Variants in ADGRL4 observed in about 807,000 individuals in gnomAD.
ADGRL4 encodes adhesion G protein-coupled receptor L4.
In ADGRL4, 90 loss-of-function variants were observed where a neutral mutation model predicts 74.8. That is an observed-to-expected ratio of 1.20 (90% CI 1.02 to 1.43). The LOEUF is 1.43. Ranked by LOEUF, ADGRL4 falls within the 40% of genes most tolerant of loss-of-function variation. The pLI is 0.00. For missense variants in ADGRL4, 881 were observed against 814.3 expected, an observed-to-expected ratio of 1.08 and a Z score of -1.00; for synonymous variants, 311 against 279.2, an observed-to-expected ratio of 1.11 and a Z score of -1.14.
In ADGRL4 at chr1:78,938,082, A is replaced by G. The variant is rs777161772; in HGVS notation, c.576+18T>C. ...ATTCAAAGCTCAATTATATTGAGTT[A>G]AAGCTGAACATACTTACAGTAAGAG... is the stretch of plus-strand genomic sequence containing the variant. On this transcript the variant is annotated intron_variant, in intron 5 of 14. Transcript: ENST00000370742. 1 of 1,610,914 alleles carries G rather than the reference A, an allele frequency of 6.2e-7. No homozygotes were observed. The highest frequency in any genetic ancestry group is 1.1e-5 in the South Asian group (1 of 90,366).
intron 2 of ADGRL4, among the ~76,000 whole-genome samples, chr1:78,984,633 A>G (rs1160595962): frequency 6.6e-5 from 10 of 151,798 alleles, no homozygotes; most frequent in East Asian, 3.9e-4. Flanking sequence ...GAACAGTAAG[A>G]CATTTTCAAA....
chr1:78,960,428 G>A (rs554891750), intron 2 of ADGRL4, among the ~76,000 whole-genome samples: 9 of 152,014 alleles, frequency 5.9e-5, no homozygotes, highest in East Asian at 1.9e-4. Context: ...AATCTGATTC[G>A]TGGATCTTGA....
chr1:78,901,108 C>T (rs1003213943), intron 12 of ADGRL4, among the ~76,000 whole-genome samples: 1 of 152,090 alleles, frequency 6.6e-6, no homozygotes, highest in Non-Finnish European at 1.5e-5. Context: ...ATACCAGTAT[C>T]TTGGTTCCAA....
At chr1:78,950,373 G>A (rs904886227) in intron 2 of ADGRL4, among the ~76,000 whole-genome samples, 7 of 152,204 alleles carry the variant, frequency 4.6e-5, no homozygotes, top group African/African-American at 1.4e-4. Context: ...AGGTAGGCAT[G>A]GCTGAAACCG....
intron 12 of ADGRL4, among the ~76,000 whole-genome samples, chr1:78,898,009 A>G (rs1226958248): frequency 6.6e-6 from 1 of 152,184 alleles, no homozygotes; most frequent in Non-Finnish European, 1.5e-5. Flanking sequence ...TTATGTACCT[A>G]GAGGTGGAAA....
intron 2 of ADGRL4, among the ~76,000 whole-genome samples, chr1:78,961,008 T>C (rs529936650): frequency 6.6e-6 from 1 of 152,282 alleles, no homozygotes; most frequent in East Asian, 1.9e-4. Flanking sequence ...ATAAATAAAT[T>C]GAGTAAGTTT....
chr1:78,997,450 A>C (rs1300278566), intron 2 of ADGRL4, among the ~76,000 whole-genome samples: 1 of 152,196 alleles, frequency 6.6e-6, no homozygotes, highest in African/African-American at 2.4e-5. Flanking sequence ...TCTTCCTACG[A>C]AAGGAGAAGA....
chr1:78,896,557 G>A (rs368325512), intron 12 of ADGRL4, among the ~76,000 whole-genome samples: 114 of 152,144 alleles, frequency 7.5e-4, no homozygotes, highest in African/African-American at 2.6e-3. Flanking sequence ...AACATGTTCA[G>A]AATATGACCA....
Position 78,920,385 on chromosome 1 carries a change from C to T in ADGRL4, c.1259G>A (p.Gly420Asp). 1 of 1,539,730 alleles carries T rather than the reference C, an allele frequency of 6.5e-7. No individual in the cohort carries two copies. Among genetic ancestry groups the T allele is most frequent in the Non-Finnish European group, 8.9e-7 (1 of 1,121,314 alleles). ...TGTAAGAATATTATAATCTTTAATA[C>T]CCTAAGGGAAAATAATAATAAAGCA... is the stretch of plus-strand genomic sequence containing the variant. ...AILMSSGPSIGIKDYNILTRI... is the reference protein window; with the variant it reads ...AILMSSGPSIDIKDYNILTRI... Residue 420 changes from glycine (G) to aspartate (D), a missense_variant and splice_region_variant, in exon 10 of 15, where the codon GGT becomes GAT. Gly to Asp is a moderately conservative substitution (Grantham distance 94, BLOSUM62 -1). Coordinates refer to ENST00000370742, the MANE Select transcript of ADGRL4 (RefSeq NM_022159.4).
At chr1:78,941,556 TC>T (rs887358146) in intron 3 of ADGRL4, among the ~76,000 whole-genome samples, 7 of 150,272 alleles carry the variant, frequency 4.7e-5, no homozygotes, top group Non-Finnish European at 3.0e-5. Flanking sequence ...TCAATTTCAA[TC>T]CCCCCTTTTT....
At chr1:78,903,815 A>G (rs1164915509) in intron 12 of ADGRL4, among the ~76,000 whole-genome samples, 1 of 151,928 alleles carries the variant, frequency 6.6e-6, no homozygotes. Context: ...ACGTGCCTGT[A>G]GTCCCAGCTA....
intron 3 of ADGRL4, among the ~76,000 whole-genome samples, chr1:78,940,618 T>C (rs1178881061): frequency 6.6e-6 from 1 of 152,120 alleles, no homozygotes; most frequent in African/African-American, 2.4e-5. Context: ...AATTTTTATG[T>C]TTCTACCCCA....
intron 2 of ADGRL4, among the ~76,000 whole-genome samples, chr1:78,969,636 A>G (rs1242581746): frequency 2.0e-5 from 3 of 152,092 alleles, no homozygotes. Flanking sequence ...CACTTCATTC[A>G]AATAATCAGG....
At chr1:78,917,554 A>G in intron 12 of ADGRL4, 80 bp downstream of exon 12, 4 of 813,380 alleles carry the variant, frequency 4.9e-6, no homozygotes, top group Non-Finnish European at 7.6e-6. Context: ...TTTTTAGAAT[A>G]ACACCTTATT....
At chr1:78,891,446 G>C in intron 14 of ADGRL4, 78 bp downstream of exon 14, 1 of 1,442,100 alleles carries the variant, frequency 6.9e-7, no homozygotes, top group Non-Finnish European at 9.4e-7. Context: ...AAATCTATGA[G>C]AGTAAGAATT....
At chr1:78,907,995 A>G (rs1051154387) in intron 12 of ADGRL4, among the ~76,000 whole-genome samples, 3 of 151,976 alleles carry the variant, frequency 2.0e-5, no homozygotes, top group South Asian at 2.1e-4. Context: ...AGACTGCACA[A>G]TGTTTCCGTA....
intron 2 of ADGRL4, among the ~76,000 whole-genome samples, chr1:78,974,920 C>T (rs946186756): frequency 1.3e-5 from 2 of 152,278 alleles, no homozygotes; most frequent in South Asian, 4.1e-4. Context: ...AATATTATTT[C>T]CCTCTTGCCA....
intron 2 of ADGRL4, among the ~76,000 whole-genome samples, chr1:78,975,240 T>C (rs917233761): frequency 6.6e-6 from 1 of 152,116 alleles, no homozygotes; most frequent in African/African-American, 2.4e-5. Flanking sequence ...ACCAAAATGA[T>C]GTATGAGTTG....
At chr1:78,932,544 G>T (rs1400370635) in intron 7 of ADGRL4, among the ~76,000 whole-genome samples, 4 of 146,952 alleles carry the variant, frequency 2.7e-5, no homozygotes, top group Non-Finnish European at 4.4e-5. Context: ...TAATCCAAAA[G>T]CTAGCAGAAG....
Sources: allele counts gnomAD v4.1 joint callset (sites outside exome capture counted in the v4.1 genomes callset), GRCh38; gene constraint gnomAD v4.1.1; transcripts MANE v1.5; gene names NCBI Gene and HGNC (gene_info 2026-07-23, HGNC 2026-07-21).